PPARGC1B: variants seen among roughly 807,000 people sequenced by gnomAD.
The protein encoded by PPARGC1B is PPARG coactivator 1 beta, also known as peroxisome proliferator-activated receptor gamma coactivator 1-beta.
PPARGC1B carries 34 observed loss-of-function variants against 101.6 expected under a neutral mutation model. That is an observed-to-expected ratio of 0.33 (90% confidence interval 0.25 to 0.45). The LOEUF is 0.45. Ranked by LOEUF, PPARGC1B falls within the 20% of genes least tolerant of loss-of-function variation. The pLI is 1.00. For synonymous variants in PPARGC1B, 548 were observed against 539.3 expected, an observed-to-expected ratio of 1.02 and a Z score of -0.22; for missense variants, 1,234 against 1,317.6, an observed-to-expected ratio of 0.94 and a Z score of 0.98.
chr5:149,809,926 G>A (rs10875552), intron 1 of PPARGC1B, among the ~76,000 whole-genome samples: 105,983 of 151,666 alleles, frequency 0.7, 37,527 homozygotes, highest in East Asian at 0.9. Flanking sequence ...AGAAAGAAGG[G>A]AGCCGCTATG....
chr5:149,804,924 G>A (rs1401552005), intron 1 of PPARGC1B, among the ~76,000 whole-genome samples: 1 of 152,190 alleles, frequency 6.6e-6, no homozygotes, highest in Non-Finnish European at 1.5e-5. Flanking sequence ...AGCTGCACTC[G>A]GCCCCTGAGG....
intron 1 of PPARGC1B, among the ~76,000 whole-genome samples, chr5:149,763,207 G>T (rs1211651036): frequency 6.6e-6 from 1 of 152,208 alleles, no homozygotes; most frequent in Non-Finnish European, 1.5e-5. Flanking sequence ...CCCTGGTCCT[G>T]CAGGTCTCAT....
chr5:149,759,317 T>C (rs1037572662), intron 1 of PPARGC1B, among the ~76,000 whole-genome samples: 7 of 152,188 alleles, frequency 4.6e-5, no homozygotes, highest in Admixed American at 1.3e-4. Flanking sequence ...GAGCCAGTTA[T>C]GTTTTACTCA....
intron 1 of PPARGC1B, among the ~76,000 whole-genome samples, chr5:149,811,933 C>T (rs1757880758): frequency 6.6e-6 from 1 of 152,230 alleles, no homozygotes; most frequent in East Asian, 1.9e-4. Context: ...CCTTGGAGCT[C>T]AGTTCTGAGC....
At chr5:149,750,467 T>A (rs1442700406) in intron 1 of PPARGC1B, among the ~76,000 whole-genome samples, 1 of 81,520 alleles carries the variant, frequency 1.2e-5, no homozygotes, top group African/African-American at 6.0e-5. Context: ...TATATATATA[T>A]ATATATATAT....
In PPARGC1B at chr5:149,854,516, G is replaced by C. The variant is rs1314537779; in HGVS notation, c.*6958G>C. The C allele has an allele frequency of 6.6e-6, 1 of 152,088 alleles. No individual in the cohort carries two copies. Among genetic ancestry groups the C allele is most frequent in the Admixed American group, 6.5e-5 (1 of 15,274 alleles). 9.4% of individuals were successfully genotyped at this position (152,088 alleles called of 1,614,324 possible). Reference sequence around the variant, plus strand: ...AAAGCTAAATTTTAATTTTTTAAAGGACACTGCTAATGATTGAGAATCAAG... The same window carrying C: ...AAAGCTAAATTTTAATTTTTTAAAGCACACTGCTAATGATTGAGAATCAAG... On this transcript the variant is annotated 3_prime_UTR_variant, in exon 12 of 12. Transcript: ENST00000309241.
chr5:149,767,852 C>G (rs1202203129), intron 1 of PPARGC1B, among the ~76,000 whole-genome samples: 4 of 152,002 alleles, frequency 2.6e-5, no homozygotes, highest in African/African-American at 7.3e-5. Flanking sequence ...GTGGCGGATG[C>G]AGGGAAGATG....
Position 149,833,323 on chromosome 5 carries a change from A to G in PPARGC1B, c.1250A>G (p.Lys417Arg). 1 of 1,613,446 alleles carries G rather than the reference A, an allele frequency of 6.2e-7. No homozygotes were observed. The highest frequency in any genetic ancestry group is 8.5e-7 in the Non-Finnish European group (1 of 1,180,026). ...CTGCGCCCACTGCGGCTGGAGGTGA[A>G]AAGGGAGGTCCGCCGGCCTGCCAGA... ...PSLRPLRLEVKREVRRPARLQ... is the reference protein window; with the variant it reads ...PSLRPLRLEVRREVRRPARLQ... Residue 417 changes from lysine (K) to arginine (R), a missense_variant, in exon 5 of 12, where the codon AAA (lysine) becomes AGA (arginine). Lys to Arg is a conservative substitution (Grantham distance 26). Coordinates refer to ENST00000309241, the MANE Select transcript of PPARGC1B (RefSeq NM_133263.4). This position sits in a 1 kb window ranked among gnomAD's most constrained non-coding sequence, Gnocchi z 4.1.
At chr5:149,797,882 T>G (rs1387717882) in intron 1 of PPARGC1B, among the ~76,000 whole-genome samples, 1 of 152,082 alleles carries the variant, frequency 6.6e-6, no homozygotes, top group Non-Finnish European at 1.5e-5. Flanking sequence ...GATTGCACCA[T>G]TGCACCCAGC....
intron 1 of PPARGC1B, among the ~76,000 whole-genome samples, chr5:149,780,843 A>AGAGGC (rs1236056401): frequency 5.3e-5 from 8 of 152,206 alleles, no homozygotes; most frequent in East Asian, 3.9e-4. Flanking sequence ...ACCTGCAAAC[A>AGAGGC]TTGGCACGGG....
At chr5:149,811,205 A>G (rs1324444479) in intron 1 of PPARGC1B, among the ~76,000 whole-genome samples, 1 of 152,212 alleles carries the variant, frequency 6.6e-6, no homozygotes. Context: ...GTCCACACCC[A>G]CAGTGCCAGG....
Position 149,832,397 on chromosome 5 carries a change from G to A in PPARGC1B, c.583-259G>A, listed in dbSNP as rs1055604695. ...GAATGGTCAGAGTGGGGCTTTGTCAGTGAATCTGGAAGGGTCTGCAGGGGC... is the reference window on the plus strand; with the variant it reads ...GAATGGTCAGAGTGGGGCTTTGTCAATGAATCTGGAAGGGTCTGCAGGGGC... On this transcript the variant is annotated intron_variant, in intron 4 of 11. Coordinates refer to ENST00000309241, the MANE Select transcript of PPARGC1B (RefSeq NM_133263.4). The surrounding 1 kb of genome is among the most constrained non-coding windows in gnomAD (Gnocchi z 4.9). Among the ~76,000 whole-genome samples the A allele has an allele frequency of 2.6e-5, 4 of 152,176 alleles. No homozygotes were observed. Among genetic ancestry groups the A allele is most frequent in the South Asian group, 4.1e-4 (2 of 4,828 alleles).
intron 1 of PPARGC1B, among the ~76,000 whole-genome samples, chr5:149,789,150 G>A (rs879262133): frequency 4.6e-5 from 7 of 152,294 alleles, no homozygotes; most frequent in South Asian, 2.1e-4. Flanking sequence ...GCCTGTGATC[G>A]CCTAGTAATG....
At chr5:149,744,908 CTT>C (rs34363116) in intron 1 of PPARGC1B, among the ~76,000 whole-genome samples, 13 of 132,898 alleles carry the variant, frequency 9.8e-5, no homozygotes, top group African/African-American at 8.4e-5. Context: ...AGCTTTGTGA[CTT>C]TTTTTTTTTT....
intron 1 of PPARGC1B, among the ~76,000 whole-genome samples, chr5:149,794,873 CT>C (rs770647001): frequency 2.2e-4 from 33 of 152,250 alleles, no homozygotes; most frequent in Non-Finnish European, 3.5e-4. Flanking sequence ...GCACCAGGGT[CT>C]TCCTAGCTCT....
At chr5:149,774,264 C>T (rs2113199587) in intron 1 of PPARGC1B, among the ~76,000 whole-genome samples, 1 of 152,258 alleles carries the variant, frequency 6.6e-6, no homozygotes, top group South Asian at 2.1e-4. Flanking sequence ...GAGAAGTTTA[C>T]AGAATGGGTG....
chr5:149,788,440 G>A (rs962002043), intron 1 of PPARGC1B, among the ~76,000 whole-genome samples: 2 of 152,202 alleles, frequency 1.3e-5, no homozygotes, highest in South Asian at 2.1e-4. Flanking sequence ...GTGCTGGAGA[G>A]GATGTGGAGA....
intron 1 of PPARGC1B, among the ~76,000 whole-genome samples, chr5:149,783,091 AAG>A (rs56799682): frequency 7.3e-5 from 11 of 150,002 alleles, no homozygotes; most frequent in South Asian, 2.1e-4. Context: ...ATGAGAGATA[AAG>A]AGAGAGAGAG....
chr5:149,818,285 G>A (rs1758135927), intron 1 of PPARGC1B, among the ~76,000 whole-genome samples: 1 of 152,210 alleles, frequency 6.6e-6, no homozygotes, highest in African/African-American at 2.4e-5. Context: ...TTTGTTTAAT[G>A]TCATCCTTCC....
Sources: gnomAD v4.1 joint callset for allele counts (sites outside exome capture counted in the v4.1 genomes callset) on GRCh38, gnomAD v4.1.1 for gene constraint, Gnocchi (gnomAD v3.1) non-coding constraint, MANE v1.5 for transcripts, NCBI Gene and HGNC (gene_info 2026-07-23, HGNC 2026-07-21) for gene names.